The following BCL2L1 variants were observed in gnomAD, a reference collection of about 807,000 sequenced individuals.
The protein encoded by BCL2L1 is BCL2 like 1, also known as bcl-2-like protein 1.
BCL2L1 carries 1 observed loss-of-function variant against 18.7 expected under a neutral mutation model. The ratio of observed to expected loss-of-function variants is 0.05; its 90% CI spans 0.02 to 0.25. The LOEUF is 0.25. Ranked by LOEUF, BCL2L1 falls within the 10% of genes least tolerant of loss-of-function variation. The probability of loss-of-function intolerance (pLI) is 1.00; values close to 1 mark genes in which losing one functional copy is unlikely to be tolerated. For missense variants in BCL2L1, 207 were observed against 304.9 expected (o/e 0.68, Z 2.39); for synonymous variants, 103 against 122.7 (o/e 0.84, Z 1.06).
intron 2 of BCL2L1, among the ~76,000 whole-genome samples, chr20:31,690,006 G>A (rs2061034660): frequency 6.6e-6 from 1 of 152,170 alleles, no homozygotes; most frequent in South Asian, 2.1e-4. Flanking sequence ...CAACAAGAGC[G>A]AAACTCTGTC....
intron 2 of BCL2L1, among the ~76,000 whole-genome samples, chr20:31,703,994 C>T (rs1024700267): frequency 1.3e-5 from 2 of 151,346 alleles, no homozygotes; most frequent in African/African-American, 2.4e-5. Flanking sequence ...GACGGGGTTT[C>T]GCCATATTGG....
chr20:31,712,798 G>A (rs1850498892), intron 2 of BCL2L1, among the ~76,000 whole-genome samples: 1 of 152,090 alleles, frequency 6.6e-6, no homozygotes, highest in Admixed American at 6.5e-5. Context: ...AGGGAGGAGG[G>A]AGGGGAATGT....
chr20:31,666,325 G>A (rs2060587404), intron 2 of BCL2L1, among the ~76,000 whole-genome samples: 1 of 152,264 alleles, frequency 6.6e-6, no homozygotes, highest in South Asian at 2.1e-4. Context: ...CCTGTCTGAG[G>A]TAAGTCAAGA....
At chr20:31,704,591 ATC>A (rs2061341976) in intron 2 of BCL2L1, among the ~76,000 whole-genome samples, 1 of 152,150 alleles carries the variant, frequency 6.6e-6, no homozygotes, top group Non-Finnish European at 1.5e-5. Context: ...GGAGTAGGGA[ATC>A]TGTGTCACCT....
At chr20:31,698,399 T>C (rs2061218752) in intron 2 of BCL2L1, among the ~76,000 whole-genome samples, 1 of 152,072 alleles carries the variant, frequency 6.6e-6, no homozygotes. Context: ...TGTGCCACCA[T>C]GCCTGACAAA....
chr20:31,696,472 G>A (rs953050789), intron 2 of BCL2L1, among the ~76,000 whole-genome samples: 3 of 152,238 alleles, frequency 2.0e-5, no homozygotes, highest in Admixed American at 1.3e-4. Context: ...TTGAGAAGGA[G>A]TAAGCCTGGG....
intron 2 of BCL2L1, among the ~76,000 whole-genome samples, chr20:31,675,136 C>T (rs548326306): frequency 3.3e-5 from 5 of 152,294 alleles, no homozygotes; most frequent in South Asian, 2.1e-4. Flanking sequence ...CTGTGCCAGA[C>T]GAACCCTTCC....
At chr20:31,681,661 A>C (rs376339624) in intron 2 of BCL2L1, among the ~76,000 whole-genome samples, 1 of 152,194 alleles carries the variant, frequency 6.6e-6, no homozygotes, top group Non-Finnish European at 1.5e-5. Context: ...ATCAATCAAT[A>C]AAAGTAGAGC....
chr20:31,673,828 T>C (rs1207693561), intron 2 of BCL2L1, among the ~76,000 whole-genome samples: 1 of 152,220 alleles, frequency 6.6e-6, no homozygotes, highest in African/African-American at 2.4e-5. Flanking sequence ...AGATTATTTT[T>C]TGTCCTGTCT....
chr20:31,698,213 G>A (rs868398397), intron 2 of BCL2L1, among the ~76,000 whole-genome samples: 5 of 151,940 alleles, frequency 3.3e-5, no homozygotes, highest in East Asian at 1.9e-4. Flanking sequence ...AATGTATGTC[G>A]GACTGTCATT....
chr20:31,722,120 G>A lies in BCL2L1; in HGVS notation c.99C>T (p.Asn33=). ...SWSQFSDVEE[N]RTEAPEGTES... The stretch of plus-strand genomic sequence containing the variant: ...CAGTCCCTTCTGGGGCCTCAGTCCT[G>A]TTCTCTTCCACATCACTAAACTGAC... Residue 33 remains asparagine (N), a synonymous_variant, in exon 2 of 3, where the codon AAC becomes AAT. Coordinates refer to ENST00000307677, the MANE Select transcript of BCL2L1 (RefSeq NM_138578.3). The A allele has an allele frequency of 6.4e-7, 1 of 1,552,912 alleles. No homozygotes were observed. The highest frequency in any genetic ancestry group is 1.2e-5 in the South Asian group (1 of 81,760).
intron 2 of BCL2L1, among the ~76,000 whole-genome samples, chr20:31,680,805 A>C (rs2060846598): frequency 6.6e-6 from 1 of 152,254 alleles, no homozygotes. Flanking sequence ...GACAGGCAAT[A>C]AACATGTCAG....
intron 2 of BCL2L1, among the ~76,000 whole-genome samples, chr20:31,687,018 G>A (rs1195817108): frequency 2.0e-5 from 3 of 152,144 alleles, no homozygotes; most frequent in Non-Finnish European, 4.4e-5. Context: ...TTATTGTGAA[G>A]ATTAAAAATA....
At chr20:31,684,159 C>A (rs758567064) in intron 2 of BCL2L1, among the ~76,000 whole-genome samples, 4 of 152,136 alleles carry the variant, frequency 2.6e-5, no homozygotes, top group Non-Finnish European at 5.9e-5. Flanking sequence ...CAGCCCTGTC[C>A]CCCAGGGTGT....
intron 2 of BCL2L1, among the ~76,000 whole-genome samples, chr20:31,690,255 C>A (rs1407391285): frequency 6.6e-6 from 1 of 151,780 alleles, no homozygotes; most frequent in Non-Finnish European, 1.5e-5. Context: ...CTGCAAATGA[C>A]TAATTTTTTT....
At chr20:31,674,874 C>CAAA (rs11372425) in intron 2 of BCL2L1, among the ~76,000 whole-genome samples, 9 of 74,724 alleles carry the variant, frequency 1.2e-4, no homozygotes, top group Admixed American at 1.6e-4. Flanking sequence ...GACCCCGTCT[C>CAAA]AAAAAAAAAA....
intron 2 of BCL2L1, among the ~76,000 whole-genome samples, chr20:31,671,140 G>A (rs758705500): frequency 6.6e-6 from 1 of 152,014 alleles, no homozygotes; most frequent in African/African-American, 2.4e-5. Flanking sequence ...GGCCACTGGC[G>A]ACAGGCAATG....
intron 2 of BCL2L1, among the ~76,000 whole-genome samples, chr20:31,689,436 GA>G (rs908909478): frequency 3.7e-4 from 49 of 133,402 alleles, no homozygotes; most frequent in African/African-American, 4.7e-4. Flanking sequence ...ACAAAAAAAA[GA>G]AAAAAAAAAA....
At chr20:31,712,351 T>C (rs1026228141) in intron 2 of BCL2L1, among the ~76,000 whole-genome samples, 5 of 152,206 alleles carry the variant, frequency 3.3e-5, no homozygotes, top group African/African-American at 1.2e-4. Context: ...CTCAGTTTCC[T>C]CATGTGTGAA....
Sources: gnomAD v4.1 joint callset for allele counts (sites outside exome capture counted in the v4.1 genomes callset) on GRCh38, gnomAD v4.1.1 for gene constraint, MANE v1.5 for transcripts, NCBI Gene and HGNC (gene_info 2026-07-23, HGNC 2026-07-21) for gene names.